ERBB2: variants seen among roughly 807,000 people sequenced by gnomAD.
ERBB2 encodes erb-b2 receptor tyrosine kinase 2.
A neutral mutation model predicts 149.0 loss-of-function variants in ERBB2; 61 were observed. The observed-to-expected ratio is 0.41, with a 90% CI of 0.33 to 0.51. The LOEUF is 0.51. ERBB2 is among the 20% of genes least tolerant of loss of function. The probability of loss-of-function intolerance (pLI) is 0.25; values close to 1 mark genes in which losing one functional copy is unlikely to be tolerated. For missense variants in ERBB2, 1,205 were observed against 1,655.1 expected, an observed-to-expected ratio of 0.73 and a Z score of 4.72; for synonymous variants, 633 against 678.8, an observed-to-expected ratio of 0.93 and a Z score of 1.05.
At chr17:39,705,523 G>A (rs149968467) in intron 1 of ERBB2, among the ~76,000 whole-genome samples, 2 of 152,278 alleles carry the variant, frequency 1.3e-5, no homozygotes, top group Non-Finnish European at 2.9e-5. Flanking sequence ...GCCTCCCTCA[G>A]GGACATGGAC....
chr17:39,693,938 C>T (rs910821632), upstream of ERBB2, among the ~76,000 whole-genome samples: 1 of 149,686 alleles, frequency 6.7e-6, no homozygotes, highest in Non-Finnish European at 1.5e-5. Context: ...ATAATCCCAG[C>T]ACTTTGGGAG....
intron 2 of ERBB2, 57 bp downstream of exon 2, chr17:39,707,198 T>C: frequency 7.0e-7 from 1 of 1,421,380 alleles, no homozygotes. Context: ...GAGCCCTCTG[T>C]TTACAGGTGG....
chr17:39,721,749 G>A (rs186470016), intron 16 of ERBB2, among the ~76,000 whole-genome samples: 4 of 152,180 alleles, frequency 2.6e-5, no homozygotes, highest in Middle Eastern at 3.4e-3. Flanking sequence ...AATCTCTGGG[G>A]GTGGGGCCCC....
At chr17:39,710,859 A>G (rs568763084) in intron 7 of ERBB2, among the ~76,000 whole-genome samples, 72 of 152,330 alleles carry the variant, frequency 4.7e-4, no homozygotes, top group South Asian at 1.7e-3. Context: ...GGTATGTACT[A>G]AGTGCTCCTA....
At chr17:39,692,883 T>A (rs528445337), upstream of ERBB2, among the ~76,000 whole-genome samples, 291 of 151,526 alleles carry the variant, frequency 1.9e-3, 1 homozygote, top group Non-Finnish European at 2.9e-3. Flanking sequence ...ACCAAAACGG[T>A]GAAAACTCAT....
At chr17:39,724,071 G>T (rs2145830738) in intron 19 of ERBB2, 61 bp downstream of exon 19, 1 of 1,228,808 alleles carries the variant, frequency 8.1e-7, no homozygotes, top group Non-Finnish European at 1.2e-6. Flanking sequence ...TGCAGGTCTG[G>T]GCTCTGGTCT....
rs1387549970 is a variant in ERBB2 at position 39,710,442 on chromosome 17, C to A, written c.862C>A (p.Arg288=). The A allele has an allele frequency of 1.2e-6, 2 of 1,614,024 alleles. No individual in the cohort carries two copies. The highest frequency in any genetic ancestry group is 2.2e-5 in the South Asian group (2 of 91,086). ...TGAGTCCATGCCCAATCCCGAGGGC[C>A]GGTATACATTCGGCGCCAGCTGTGT... The part of the protein sequence containing the change: ...TFESMPNPEG[R]YTFGASCVTA... Residue 288 remains arginine, a synonymous_variant, in exon 7 of 27, where the codon CGG becomes AGG. Coordinates refer to ENST00000269571, the MANE Select transcript of ERBB2 (RefSeq NM_004448.4).
At chr17:39,712,108 G>C in intron 8 of ERBB2, 61 bp downstream of exon 8, 2 of 1,611,492 alleles carry the variant, frequency 1.2e-6, no homozygotes, top group East Asian at 4.5e-5. Flanking sequence ...ATGCAGCCTG[G>C]CCCAGCCCAC....
intron 9 of ERBB2, among the ~76,000 whole-genome samples, chr17:39,714,798 T>C (rs2059021420): frequency 6.8e-6 from 1 of 147,672 alleles, no homozygotes; most frequent in Non-Finnish European, 1.5e-5. Context: ...TGAGACAGAG[T>C]CTCGCTTTAT....
chr17:39,709,181 G>A (rs962419713), intron 3 of ERBB2, 137 bp from the exon 4 acceptor site: 2 of 989,718 alleles, frequency 2.0e-6, no homozygotes, highest in African/African-American at 1.6e-5. Flanking sequence ...AGACGGTAAA[G>A]ATAGCTTTCT....
At chr17:39,695,813 AGGCCGCT>A (rs551511055), upstream of ERBB2, among the ~76,000 whole-genome samples, 1,370 of 150,882 alleles carry the variant, frequency 9.1e-3, 5 homozygotes, top group Non-Finnish European at 0.014. Context: ...GGCATTTCAC[AGGCCGCT>A]GGTTGCAGCC....
chr17:39,715,364 G>A lies in ERBB2; in HGVS notation c.1222+5G>A, dbSNP rs2145633505. 1 of 1,613,950 alleles carries A rather than the reference G, an allele frequency of 6.2e-7. No individual in the cohort carries two copies. Among genetic ancestry groups the A allele is most frequent in the Non-Finnish European group, 8.5e-7 (1 of 1,179,810 alleles). On this transcript the variant is annotated splice_donor_5th_base_variant and intron_variant, in intron 10 of 26. Transcript: ENST00000269571. ...AGACTCTGGAAGAGATCACAGGTGG[G>A]CTCTGTCTCTGCATCCTGTTCTGCA...
chr17:39,727,477 G>A lies in ERBB2; in HGVS notation c.3342G>A (p.Glu1114=), dbSNP rs2143253102. Residue 1114 remains glutamate, a synonymous_variant, in exon 26 of 27, where the codon GAG becomes GAA. Transcript: ENST00000269571. This position sits in a 1 kb window ranked among gnomAD's most constrained non-coding sequence, Gnocchi z 4.3. ...CCAGCCCTCTACAGCGGTACAGTGA[G>A]GACCCCACAGTACCCCTGCCCTCTG... The part of the protein sequence containing the change: ...HDPSPLQRYS[E]DPTVPLPSET... 1.9e-6 allele frequency: 3 copies of A among 1,607,530 alleles called. No individual in the cohort carries two copies. The highest frequency in any genetic ancestry group is 8.5e-7 in the Non-Finnish European group (1 of 1,178,176).
chr17:39,721,945 T>C (rs973434995), intron 16 of ERBB2, among the ~76,000 whole-genome samples: 10 of 151,958 alleles, frequency 6.6e-5, no homozygotes, highest in Non-Finnish European at 1.5e-4. Flanking sequence ...TGAGATGTCA[T>C]TTTGCTGTTG....
chr17:39,700,411 G>C, intron 1 of ERBB2, 100 bp downstream of exon 1: 1 of 1,000,468 alleles, frequency 1.0e-6, no homozygotes, highest in South Asian at 3.8e-5. Context: ...GGGCCCGGAC[G>C]AGCTCTCCTA....
chr17:39,718,314 AG>A (rs2059259011), intron 15 of ERBB2, among the ~76,000 whole-genome samples: 1 of 152,202 alleles, frequency 6.6e-6, no homozygotes, highest in African/African-American at 2.4e-5. Flanking sequence ...GTAACATAAA[AG>A]TATAAATGTT....
chr17:39,691,866 G>GATAGATATAGATATAGAT (rs1257738808), upstream of ERBB2, among the ~76,000 whole-genome samples: 668 of 128,824 alleles, frequency 5.2e-3, 9 homozygotes, highest in African/African-American at 0.019. Flanking sequence ...AAACCTTCAT[G>GATAGATATAGATATAGAT]ATAGATATAG....
intron 9 of ERBB2, among the ~76,000 whole-genome samples, chr17:39,714,057 CAAA>C (rs34185413): frequency 4.6e-4 from 44 of 94,716 alleles, no homozygotes; most frequent in Non-Finnish European, 4.8e-4. Flanking sequence ...GACCCTGTCT[CAAA>C]AAAAAAAAAA....
At chr17:39,710,560 C>T (rs887608654) in intron 7 of ERBB2, 79 bp downstream of exon 7, 11 of 1,501,802 alleles carry the variant, frequency 7.3e-6, no homozygotes, top group East Asian at 2.3e-5. Context: ...ATGGGGAGCA[C>T]TGTCTGCATC....
Sources: gnomAD v4.1 joint callset for allele counts (sites outside exome capture counted in the v4.1 genomes callset) on GRCh38, gnomAD v4.1.1 for gene constraint, Gnocchi (gnomAD v3.1) non-coding constraint, MANE v1.5 for transcripts, NCBI Gene and HGNC (gene_info 2026-07-23, HGNC 2026-07-21) for gene names.